CACNA1B: variants seen among roughly 807,000 people sequenced by gnomAD.
CACNA1B encodes the protein voltage-dependent N-type calcium channel subunit alpha-1B.
A neutral mutation model predicts 247.2 loss-of-function variants in CACNA1B; 70 were observed. The ratio of observed to expected loss-of-function variants is 0.28; its 90% CI spans 0.23 to 0.35. The LOEUF (loss-of-function observed/expected upper bound fraction) is 0.35. Among genes scored for constraint, CACNA1B ranks in the 10% least tolerant of loss-of-function variants. CACNA1B has a pLI of 1.00. For synonymous variants in CACNA1B, 1,231 were observed against 1,294.4 expected (o/e 0.95, Z 1.05); for missense variants, 2,367 against 3,197.4 (o/e 0.74, Z 6.26).
In CACNA1B at chr9:137,877,787, A is replaced by G. The variant is rs1465080319; in HGVS notation, c.-147A>G. Reference sequence around the variant, plus strand: ...TGGCGCGGGGCCGCGGAGTCGGGTGAGGCGGCGGCGGCTGCGGCGGTGGGG... The same window carrying G: ...TGGCGCGGGGCCGCGGAGTCGGGTGGGGCGGCGGCGGCTGCGGCGGTGGGG... On this transcript the variant is annotated 5_prime_UTR_variant, in exon 1 of 47. Transcript: ENST00000371372. 2 of 260,296 alleles carry G rather than the reference A, an allele frequency of 7.7e-6. No homozygotes were observed. Among genetic ancestry groups the G allele is most frequent in the Non-Finnish European group, 1.2e-5 (2 of 169,602 alleles). 16.1% of individuals were successfully genotyped at this position (260,296 alleles called of 1,614,324 possible).
rs2133425332 is a variant in CACNA1B at position 138,014,421 on chromosome 9, A to G, written c.2267+1186A>G. On this transcript the variant is annotated intron_variant, in intron 18 of 46. Coordinates refer to ENST00000371372, the MANE Select transcript of CACNA1B (RefSeq NM_000718.4). The surrounding 1 kb of genome is among the most constrained non-coding windows in gnomAD (Gnocchi z 6.2). ...TAGAAGAGGCTGCAGCCCGCCGGGG[A>G]CTCAGGCAGGGATGGGAGGGGCCTG... 6.6e-6 allele frequency among the ~76,000 whole-genome samples: 1 copy of G among 152,220 alleles called. No individual in the cohort carries two copies. The highest frequency in any genetic ancestry group is 2.4e-5 in the African/African-American group (1 of 41,542).
chr9:137,981,720 C>G (rs1046964586), intron 12 of CACNA1B, among the ~76,000 whole-genome samples: 6 of 152,196 alleles, frequency 3.9e-5, no homozygotes, highest in Admixed American at 3.9e-4. Context: ...CTCAAGTGAT[C>G]TGCCTGCCTC....
rs551986205 is a variant in CACNA1B at position 138,014,791 on chromosome 9, C to T, written c.2267+1556C>T. 6.6e-6 allele frequency among the ~76,000 whole-genome samples: 1 copy of T among 152,068 alleles called. No individual in the cohort carries two copies. Among genetic ancestry groups the T allele is most frequent in the East Asian group, 1.9e-4 (1 of 5,142 alleles). ...TGCTGCCTGCCGGCCCTGCCTCCTC[C>T]TGGGGGTATGGGAGGGTGTCCACTC... is the stretch of plus-strand genomic sequence containing the variant. On this transcript the variant is annotated intron_variant, in intron 18 of 46. Coordinates refer to ENST00000371372, the MANE Select transcript of CACNA1B (RefSeq NM_000718.4). This position sits in a 1 kb window ranked among gnomAD's most constrained non-coding sequence, Gnocchi z 6.2.
At chr9:137,932,469 C>T (rs546510947) in intron 6 of CACNA1B, among the ~76,000 whole-genome samples, 4 of 152,294 alleles carry the variant, frequency 2.6e-5, no homozygotes, top group African/African-American at 9.6e-5. Context: ...AACTTGTTTT[C>T]TATGGTGAAC....
At chr9:137,927,933 CATTG>C (rs1158279321) in intron 6 of CACNA1B, among the ~76,000 whole-genome samples, 1 of 152,122 alleles carries the variant, frequency 6.6e-6, no homozygotes, top group Non-Finnish European at 1.5e-5. Context: ...TGGTGAATTA[CATTG>C]ATTTTTGAAT....
intron 40 of CACNA1B, 32 bp downstream of exon 40, chr9:138,112,537 C>T: frequency 1.4e-6 from 2 of 1,381,872 alleles, no homozygotes; most frequent in South Asian, 1.2e-5. Context: ...GCCCCCAGCC[C>T]CCACCTTTAC....
intron 3 of CACNA1B, among the ~76,000 whole-genome samples, chr9:137,912,131 TA>T (rs1957365957): frequency 3.3e-5 from 5 of 152,208 alleles, no homozygotes; most frequent in Admixed American, 2.6e-4. Context: ...ATGGAACTGT[TA>T]AAAAGGCAGT....
rs60826721 is a variant in CACNA1B at position 137,925,917 on chromosome 9, ATT to A, written c.966+8503_966+8504del. Reference sequence around the variant, plus strand: ...GCCACCATGCCCAGCTAAGTTTTGCATTTTTTTTTTTTTTTTTTAGTAGAGAC... The same window carrying A: ...GCCACCATGCCCAGCTAAGTTTTGCATTTTTTTTTTTTTTTTAGTAGAGAC... On this transcript the variant is annotated intron_variant, in intron 6 of 46. Transcript: ENST00000371372. Among the ~76,000 whole-genome samples the A allele has an allele frequency of 1.5e-3, 189 of 124,616 alleles. 2 individuals are homozygous for A. Among genetic ancestry groups the A allele is most frequent in the African/African-American group, 3.2e-3 (113 of 35,338 alleles). 81.8% of individuals were successfully genotyped at this position (124,616 alleles called of 152,430 possible).
intron 36 of CACNA1B, among the ~76,000 whole-genome samples, chr9:138,093,355 T>A (rs752296627): frequency 1.4e-5 from 2 of 140,960 alleles, no homozygotes; most frequent in Non-Finnish European, 3.0e-5. Flanking sequence ...GAGATGGAAG[T>A]TGCAGTGAGC....
intron 10 of CACNA1B, among the ~76,000 whole-genome samples, chr9:137,966,138 G>A (rs1460458030): frequency 1.8e-4 from 27 of 151,752 alleles, no homozygotes; most frequent in Non-Finnish European, 3.2e-4. Context: ...CATTTGCCTG[G>A]TACCTTTCTT....
chr9:137,975,521 G>C (rs748976417), intron 11 of CACNA1B, among the ~76,000 whole-genome samples: 14 of 152,202 alleles, frequency 9.2e-5, no homozygotes, highest in Non-Finnish European at 1.6e-4. Flanking sequence ...CCAGCTGGAA[G>C]CTGTAGCTGG....
Position 137,957,765 on chromosome 9 carries a change from C to T in CACNA1B, c.1333+78C>T, listed in dbSNP as rs1415326556. The T allele has an allele frequency of 1.0e-5, 11 of 1,057,178 alleles. No homozygotes were observed. Among genetic ancestry groups the T allele is most frequent in the African/African-American group, 4.9e-5 (3 of 61,700 alleles). The allele number at this position is 1,057,178 out of a possible 1,614,324, so 65.5% of individuals were successfully genotyped here. ...TGCATGCTCCGCTTCCCCTGCTACC[C>T]AGCCACTGTTGGACGCCCCTTCTTG... On this transcript the variant is annotated intron_variant, in intron 10 of 46. Coordinates refer to ENST00000371372, the MANE Select transcript of CACNA1B (RefSeq NM_000718.4). This position sits in a 1 kb window ranked among gnomAD's most constrained non-coding sequence, Gnocchi z 4.7.
Position 137,880,696 on chromosome 9 carries a change from G to C in CACNA1B, c.390+1537G>C, listed in dbSNP as rs1249233460. Among the ~76,000 whole-genome samples, 1 of 152,160 alleles carries C rather than the reference G, an allele frequency of 6.6e-6. No individual in the cohort carries two copies. Among genetic ancestry groups the C allele is most frequent in the East Asian group, 1.9e-4 (1 of 5,194 alleles). ...TGCAGAACATGCCCGCCCTGAGCCAGCCTAGAGGTCTGGGGAGCTCTTGAC... is the reference window on the plus strand; with the variant it reads ...TGCAGAACATGCCCGCCCTGAGCCACCCTAGAGGTCTGGGGAGCTCTTGAC... On this transcript the variant is annotated intron_variant, in intron 2 of 46. Transcript: ENST00000371372. The surrounding 1 kb of genome is among the most constrained non-coding windows in gnomAD (Gnocchi z 4.8).
At chr9:138,103,970 G>A (rs1190734446) in intron 38 of CACNA1B, among the ~76,000 whole-genome samples, 4 of 152,226 alleles carry the variant, frequency 2.6e-5, no homozygotes, top group African/African-American at 9.6e-5. Flanking sequence ...CTGCATGCAA[G>A]GCTGTAGCTT....
Position 138,050,101 on chromosome 9 carries a change from C to A in CACNA1B, c.3710+786C>A. ...AGCTTCGTGGGGTAATGCCTTCTCTCCCCCACACGCTGCCCCTGACATCAC... is the reference window on the plus strand; with the variant it reads ...AGCTTCGTGGGGTAATGCCTTCTCTACCCCACACGCTGCCCCTGACATCAC... On this transcript the variant is annotated intron_variant, in intron 24 of 46. Transcript: ENST00000371372. The surrounding 1 kb of genome is among the most constrained non-coding windows in gnomAD (Gnocchi z 5.2). The A allele has an allele frequency of 7.8e-7, 1 of 1,287,972 alleles. No homozygotes were observed. The highest frequency in any genetic ancestry group is 1.0e-6 in the Non-Finnish European group (1 of 987,188). The allele number at this position is 1,287,972 out of a possible 1,614,324, so 79.8% of individuals were successfully genotyped here.
At chr9:138,024,106 G>T (rs952032621) in intron 19 of CACNA1B, among the ~76,000 whole-genome samples, 1 of 152,252 alleles carries the variant, frequency 6.6e-6, no homozygotes, top group African/African-American at 2.4e-5. Flanking sequence ...GAGGGCTTAA[G>T]GGGGAATTGT....
At chr9:138,065,112 G>C (rs1207040588) in intron 31 of CACNA1B, among the ~76,000 whole-genome samples, 1 of 152,196 alleles carries the variant, frequency 6.6e-6, no homozygotes. Flanking sequence ...ACCTGCTTCA[G>C]GTGCCCTCGC....
At chr9:138,074,205 T>G (rs1442132450) in intron 34 of CACNA1B, 139 bp downstream of exon 34, 1 of 721,000 alleles carries the variant, frequency 1.4e-6, no homozygotes, top group East Asian at 2.5e-5. Flanking sequence ...GATCCTGCTT[T>G]GAGCACTTGC....
chr9:137,949,173 T>TG, intron 6 of CACNA1B, among the ~76,000 whole-genome samples: 1 of 1,032 alleles, frequency 9.7e-4, no homozygotes, highest in Non-Finnish European at 2.6e-3. Context: ...TGCGCTTGTG[T>TG]GTCCAGTGTG....
Sources: allele counts gnomAD v4.1 joint callset (sites outside exome capture counted in the v4.1 genomes callset), GRCh38; gene constraint gnomAD v4.1.1; non-coding constraint Gnocchi (gnomAD v3.1); transcripts MANE v1.5; gene names NCBI Gene and HGNC (gene_info 2026-07-23, HGNC 2026-07-21).